UGT1A3: variants seen among roughly 807,000 people sequenced by gnomAD.
The protein encoded by UGT1A3 is UDP glucuronosyltransferase family 1 member A3.
Under a neutral mutation model 41.0 loss-of-function variants are expected in UGT1A3, and 31 were observed. The observed-to-expected ratio is 0.76, with a 90% confidence interval of 0.57 to 1.02. The LOEUF is 1.02. Among genes scored for constraint, UGT1A3 ranks in the 50% least tolerant of loss-of-function variants. The probability of loss-of-function intolerance (pLI) is 0.00; values close to 1 mark genes in which losing one functional copy is unlikely to be tolerated. For synonymous variants in UGT1A3, 262 were observed against 257.6 expected (o/e 1.02, Z -0.17); for missense variants, 737 against 671.0 (o/e 1.10, Z -1.09).
intron 1 of UGT1A3, among the ~76,000 whole-genome samples, chr2:233,750,277 G>A (rs1168754564): frequency 6.6e-6 from 1 of 151,936 alleles, no homozygotes; most frequent in Non-Finnish European, 1.5e-5. Context: ...TTAGCAAAGA[G>A]ACTGGTGGCA....
chr2:233,758,503 A>C (rs1293377688), intron 1 of UGT1A3, among the ~76,000 whole-genome samples: 1 of 152,234 alleles, frequency 6.6e-6, no homozygotes, highest in Non-Finnish European at 1.5e-5. Context: ...AATTTCTAAT[A>C]AGGACACAAC....
At chr2:233,755,919 G>T (rs1439576672) in intron 1 of UGT1A3, 1 of 148,990 alleles carries the variant, frequency 6.7e-6, no homozygotes, top group Non-Finnish European at 1.5e-5. Context: ...GAGAAGAGTG[G>T]CATCGTTTTA....
At chr2:233,732,739 T>C (rs2078307146) in intron 1 of UGT1A3, among the ~76,000 whole-genome samples, 1 of 151,466 alleles carries the variant, frequency 6.6e-6, no homozygotes, top group Non-Finnish European at 1.5e-5. Flanking sequence ...TCAGGTAGCA[T>C]GATGCCACCA....
At chr2:233,743,080 T>G in intron 1 of UGT1A3, 1 of 343,656 alleles carries the variant, frequency 2.9e-6, no homozygotes. Flanking sequence ...TGGCATGAAG[T>G]GTTTATAAAT....
intron 1 of UGT1A3, chr2:233,747,332 A>C (rs1559392073): frequency 9.4e-6 from 15 of 1,603,410 alleles, no homozygotes; most frequent in Non-Finnish European, 1.3e-5. Context: ...GATGGCAGCC[A>C]CTGGCTCGCA....
Position 233,729,110 on chromosome 2 carries a change from C to T in UGT1A3, c.-17C>T. Reference sequence around the variant, plus strand: ...CAGCGTGGGGTGGACAGTCAGCTGTCCGTGTCTTCTGCTGAGATGGCCACA... The same window carrying T: ...CAGCGTGGGGTGGACAGTCAGCTGTTCGTGTCTTCTGCTGAGATGGCCACA... On this transcript the variant is annotated 5_prime_UTR_variant, in exon 1 of 5. Transcript: ENST00000482026. 1 of 1,612,868 alleles carries T rather than the reference C, an allele frequency of 6.2e-7. No homozygotes were observed. The highest frequency in any genetic ancestry group is 8.5e-7 in the Non-Finnish European group (1 of 1,179,932).
chr2:233,754,656 T>C (rs776841418), intron 1 of UGT1A3: 5 of 458,568 alleles, frequency 1.1e-5, no homozygotes. Flanking sequence ...AATGATTCTC[T>C]TGGTGGTGAT....
At chr2:233,767,711 C>G (rs990338657) in intron 2 of UGT1A3, 138 bp from the exon 3 acceptor site, 47 of 1,530,966 alleles carry the variant, frequency 3.1e-5, no homozygotes, top group Non-Finnish European at 4.1e-5. Flanking sequence ...TCCTCAGAAG[C>G]CTTCACAGTT....
intron 1 of UGT1A3, among the ~76,000 whole-genome samples, chr2:233,735,342 T>C (rs542444977): frequency 6.6e-6 from 1 of 152,338 alleles, no homozygotes; most frequent in South Asian, 2.1e-4. Context: ...CCCTGCTTTT[T>C]TTTTGCTTTC....
In UGT1A3 at chr2:233,772,261, G is replaced by A. The variant is rs1212085876; in HGVS notation, c.1308-1G>A. On this transcript the variant is annotated splice_acceptor_variant, in intron 4 of 4. Coordinates refer to ENST00000482026, the MANE Select transcript of UGT1A3 (RefSeq NM_019093.4). LOFTEE classifies it high-confidence loss of function. ...CATAACGAAACTGTCTTTGTGTTTA[G>A]TTACAAGGAGAACATCATGCGCCTC... The A allele has an allele frequency of 1.9e-5, 30 of 1,614,162 alleles. No homozygotes were observed. Among genetic ancestry groups the A allele is most frequent in the Non-Finnish European group, 2.5e-5 (30 of 1,180,064 alleles).
intron 1 of UGT1A3, chr2:233,753,313 T>C (rs1338043588): frequency 2.0e-5 from 3 of 152,278 alleles, no homozygotes; most frequent in Non-Finnish European, 4.4e-5. Context: ...TGTGCCCCTG[T>C]GGGATGGTGC....
chr2:233,772,219 A>T, intron 4 of UGT1A3, 43 bp from the exon 5 acceptor site: 6 of 1,612,704 alleles, frequency 3.7e-6, no homozygotes, highest in Non-Finnish European at 5.1e-6. Context: ...GATTGTTCAT[A>T]CCACAGGTGT....
chr2:233,748,342 C>T lies in UGT1A3; in HGVS notation c.867+18349C>T, dbSNP rs117379305. ...ACTGATGTGACTCATGGAGACTGTT[C>T]GTTTGTAAAGGCACCATCTTCATGG... On this transcript the variant is annotated intron_variant, in intron 1 of 4. Transcript: ENST00000482026. 1.9e-3 allele frequency among the ~76,000 whole-genome samples: 287 copies of T among 151,736 alleles called. 5 individuals carry two copies. The East Asian group carries it at 0.054, about 29-fold the overall frequency.
intron 1 of UGT1A3, chr2:233,755,127 T>C: frequency 7.6e-7 from 1 of 1,323,488 alleles, no homozygotes; most frequent in Non-Finnish European, 1.0e-6. Context: ...CTCAGCCACC[T>C]GCTTGAATCT....
At chr2:233,734,371 T>C (rs1011437447) in intron 1 of UGT1A3, among the ~76,000 whole-genome samples, 3 of 152,202 alleles carry the variant, frequency 2.0e-5, no homozygotes, top group Non-Finnish European at 4.4e-5. Flanking sequence ...GGTGGTGATA[T>C]TGCCTTTACT....
At chr2:233,763,134 A>G (rs1698246018) in intron 1 of UGT1A3, among the ~76,000 whole-genome samples, 1 of 152,210 alleles carries the variant, frequency 6.6e-6, no homozygotes, top group African/African-American at 2.4e-5. Flanking sequence ...GCATTTATTG[A>G]TATAACCATA....
intron 1 of UGT1A3, among the ~76,000 whole-genome samples, chr2:233,731,482 G>A (rs562723642): frequency 2.0e-5 from 3 of 152,088 alleles, no homozygotes; most frequent in African/African-American, 7.2e-5. Flanking sequence ...TCCCTGGCCT[G>A]TGTCCAGTGT....
intron 1 of UGT1A3, among the ~76,000 whole-genome samples, chr2:233,736,521 CAA>C (rs1208875271): frequency 6.6e-6 from 1 of 152,210 alleles, no homozygotes; most frequent in Non-Finnish European, 1.5e-5. Flanking sequence ...GTCAACTCGT[CAA>C]AGTCATTCTC....
At position 233,757,048 on chromosome 2, in the gene UGT1A3, T is replaced by C. The variant is rs536754863; in HGVS notation, c.868-9986T>C. On this transcript the variant is annotated intron_variant, in intron 1 of 4. Transcript: ENST00000482026. ...CAATTTGAGAACATCAAAGGAAGTT[T>C]GGGGAACAGCAAGGGATCCAGAATG... is the stretch of plus-strand genomic sequence containing the variant. Among the ~76,000 whole-genome samples, 5 of 151,546 alleles carry C rather than the reference T, an allele frequency of 3.3e-5. No individual in the cohort carries two copies. In the South Asian group the frequency reaches 1.0e-3, roughly 32 times the overall value.
Sources: gnomAD v4.1 joint callset for allele counts (sites outside exome capture counted in the v4.1 genomes callset) on GRCh38, gnomAD v4.1.1 for gene constraint, MANE v1.5 for transcripts, NCBI Gene and HGNC (gene_info 2026-07-23, HGNC 2026-07-21) for gene names.